The following ATR variants were observed in gnomAD, a reference collection of about 807,000 sequenced individuals.
The protein encoded by ATR is ATR checkpoint kinase.
In ATR, 142 loss-of-function variants were observed where a neutral mutation model predicts 305.3. The ratio of observed to expected loss-of-function variants is 0.47; its 90% confidence interval spans 0.41 to 0.53. The LOEUF (loss-of-function observed/expected upper bound fraction) is 0.53. Ranked by LOEUF, ATR falls within the 20% of genes least tolerant of loss-of-function variation. The pLI is 0.00. For synonymous variants in ATR, 1,050 were observed against 1,068.1 expected (o/e 0.98, Z 0.33); for missense variants, 2,135 against 3,133.1 (o/e 0.68, Z 7.60).
Position 142,478,718 on chromosome 3 carries a change from C to T in ATR, c.6221+6422G>A, listed in dbSNP as rs549127095. ...TAAAGTCTCCCATTATTATTGTGTG[C>T]GAGTCTAAGTCTCTTTGTGGGTCTC... On this transcript the variant is annotated intron_variant, in intron 36 of 46. Coordinates refer to ENST00000350721, the MANE Select transcript of ATR (RefSeq NM_001184.4). Among the ~76,000 whole-genome samples the T allele has an allele frequency of 1.7e-3, 252 of 152,046 alleles. 1 individual carries two copies. The highest frequency in any genetic ancestry group is 3.1e-3 in the Admixed American group (47 of 15,248).
At chr3:142,545,612 G>A (rs1407971036) in intron 16 of ATR, among the ~76,000 whole-genome samples, 1 of 152,112 alleles carries the variant, frequency 6.6e-6, no homozygotes, top group Non-Finnish European at 1.5e-5. Flanking sequence ...GCACTCCAAA[G>A]GCTGTGTAAA....
In ATR at chr3:142,497,124, G is replaced by C. The variant is rs1394891791; in HGVS notation, c.5627C>G (p.Ser1876Cys). Residue 1876 changes from serine (S) to cysteine (C), a missense_variant, in exon 33 of 47, where the codon TCT becomes TGT. Transcript: ENST00000350721. Reference sequence around the variant, plus strand: ...TACCCAGTTTAGAGAATCTTCTTGAGAACTGTCACCTGGAGAATGCTGGAA... The same window carrying C: ...TACCCAGTTTAGAGAATCTTCTTGACAACTGTCACCTGGAGAATGCTGGAA... ...PLFQHSPGDSSQEDSLNWVAR... is the reference protein window; with the variant it reads ...PLFQHSPGDSCQEDSLNWVAR... 1 of 1,614,052 alleles carries C rather than the reference G, an allele frequency of 6.2e-7. No homozygotes were observed. Among genetic ancestry groups the C allele is most frequent in the East Asian group, 2.2e-5 (1 of 44,858 alleles).
intron 16 of ATR, among the ~76,000 whole-genome samples, chr3:142,544,539 A>G (rs1283242933): frequency 6.7e-6 from 1 of 148,460 alleles, no homozygotes; most frequent in Non-Finnish European, 1.5e-5. Context: ...TGTTCATATT[A>G]CTACAAACTG....
chr3:142,562,540 A>G lies in ATR; in HGVS notation c.862T>C (p.Leu288=), dbSNP rs748849865. The change falls in exon 4 of 47, where the codon TTG becomes CTG. Residue 288 remains leucine, a synonymous_variant. Transcript: ENST00000350721. ...GATAATGGCTCTTCATAGAGTTTCAATTGGTCAGTATCCATTTCTACAAGG... is the reference window on the plus strand; with the variant it reads ...GATAATGGCTCTTCATAGAGTTTCAGTTGGTCAGTATCCATTTCTACAAGG... ...KHLVEMDTDQ[L]KLYEEPLSKL... 6.8e-6 allele frequency: 11 copies of G among 1,613,714 alleles called. No homozygotes were observed. Among genetic ancestry groups the G allele is most frequent in the Admixed American group, 1.7e-5 (1 of 59,930 alleles).
chr3:142,560,936 T>TA (rs1425251661), intron 5 of ATR, among the ~76,000 whole-genome samples: 1 of 152,190 alleles, frequency 6.6e-6, no homozygotes, highest in Non-Finnish European at 1.5e-5. Flanking sequence ...AGCCACTTTA[T>TA]AAAAAATAGT....
At chr3:142,478,791 T>A (rs916639771) in intron 36 of ATR, among the ~76,000 whole-genome samples, 1 of 152,194 alleles carries the variant, frequency 6.6e-6, no homozygotes, top group African/African-American at 2.4e-5. Flanking sequence ...GGTGCATATA[T>A]ATTTAGGATA....
At chr3:142,577,546 A>C (rs1410155079) in intron 1 of ATR, among the ~76,000 whole-genome samples, 1 of 152,260 alleles carries the variant, frequency 6.6e-6, no homozygotes, top group African/African-American at 2.4e-5. Flanking sequence ...AGTTACGACA[A>C]GAATGGTCCC....
chr3:142,483,098 C>T lies in ATR; in HGVS notation c.6221+2042G>A, dbSNP rs376036176. 2.0e-5 allele frequency among the ~76,000 whole-genome samples: 3 copies of T among 151,032 alleles called. No individual in the cohort carries two copies. In the East Asian group the frequency reaches 5.9e-4, roughly 30 times the overall value. On this transcript the variant is annotated intron_variant, in intron 36 of 46. Coordinates refer to ENST00000350721, the MANE Select transcript of ATR (RefSeq NM_001184.4). Reference sequence around the variant, plus strand: ...ACAGCTCACCACTGCCTTGACGTCCCAGGTTCAGGTAATCCTCCCACCTCA... The same window carrying T: ...ACAGCTCACCACTGCCTTGACGTCCTAGGTTCAGGTAATCCTCCCACCTCA...
rs1056823815 is a variant in ATR, at chr3:142,474,927, G to GT, written c.6222-4745dup. On this transcript the variant is annotated intron_variant, in intron 36 of 46. Coordinates refer to ENST00000350721, the MANE Select transcript of ATR (RefSeq NM_001184.4). Reference sequence around the variant, plus strand: ...CATATTTTTTTTTTAAAAAAAGTTTGTTTTTTTTTAAAAAGCCTCTTTTAT... The same window carrying GT: ...CATATTTTTTTTTTAAAAAAAGTTTGTTTTTTTTTTAAAAAGCCTCTTTTAT... 4.3e-4 allele frequency among the ~76,000 whole-genome samples: 65 copies of GT among 150,158 alleles called. 1 individual carries two copies. The East Asian group carries it at 5.3e-3, about 12-fold the overall frequency.
rs2070759766 is a variant in ATR at position 142,450,259 on chromosome 3, G to A, written c.7762-657C>T. 5.6e-6 allele frequency: 4 copies of A among 708,214 alleles called. No homozygotes were observed. The South Asian group carries it at 5.9e-5, about 10-fold the overall frequency. 43.9% of individuals were successfully genotyped at this position (708,214 alleles called of 1,614,324 possible). On this transcript the variant is annotated intron_variant, in intron 46 of 46. Coordinates refer to ENST00000350721, the MANE Select transcript of ATR (RefSeq NM_001184.4). ...AGGTATTAAAATAACCCCTACAACA[G>A]CCAACTTTCCCTTTTGCAGTTGCAA...
At chr3:142,559,192 A>G in intron 7 of ATR, 59 bp downstream of exon 7, 1 of 1,555,742 alleles carries the variant, frequency 6.4e-7, no homozygotes, top group Non-Finnish European at 8.8e-7. Context: ...AAAAGAAAGC[A>G]TATTTCTATA....
intron 24 of ATR, 55 bp from the exon 25 acceptor site, chr3:142,515,570 T>C: frequency 6.5e-7 from 1 of 1,527,350 alleles, no homozygotes; most frequent in African/African-American, 1.4e-5. Context: ...TTTAGAATTT[T>C]AGTAAATTAC....
At chr3:142,546,697 A>G (rs2034280242) in intron 16 of ATR, among the ~76,000 whole-genome samples, 1 of 152,216 alleles carries the variant, frequency 6.6e-6, no homozygotes, top group African/African-American at 2.4e-5. Flanking sequence ...GTGAAGCAAA[A>G]AAGAAAATCA....
intron 16 of ATR, among the ~76,000 whole-genome samples, chr3:142,545,516 T>C (rs754369182): frequency 5.3e-5 from 8 of 152,186 alleles, no homozygotes; most frequent in Non-Finnish European, 1.0e-4. Context: ...AGATCATGTA[T>C]GCCTTACAGA....
intron 36 of ATR, among the ~76,000 whole-genome samples, chr3:142,470,738 A>G (rs574247038): frequency 1.3e-5 from 2 of 152,188 alleles, no homozygotes; most frequent in South Asian, 2.1e-4. Flanking sequence ...TTATCTCCAT[A>G]ATTTTCCAAT....
At chr3:142,564,360 A>G (rs1037595077) in intron 3 of ATR, among the ~76,000 whole-genome samples, 2 of 152,206 alleles carry the variant, frequency 1.3e-5, no homozygotes, top group Admixed American at 1.3e-4. Context: ...CTAGTTGTAT[A>G]AACTTTTCAT....
At chr3:142,532,677 C>T (rs2033705659) in intron 21 of ATR, among the ~76,000 whole-genome samples, 1 of 152,196 alleles carries the variant, frequency 6.6e-6, no homozygotes, top group South Asian at 2.1e-4. Context: ...ATCACCACCT[C>T]TTGGAATTTG....
chr3:142,522,833 T>G lies in ATR; in HGVS notation c.4161A>C (p.Val1387=), dbSNP rs764080150. The G allele has an allele frequency of 6.2e-7, 1 of 1,607,450 alleles. No individual in the cohort carries two copies. Among genetic ancestry groups the G allele is most frequent in the South Asian group, 1.1e-5 (1 of 90,910 alleles). ...ATCCATAGGCAAAGCTTGAATCTTC[T>G]ACTCCAGTCTCAATCAGAAAAAAAA... ...QGKDFTFVTG[V]EDSSFAYGLL... The change falls in exon 23 of 47, where the codon GTA becomes GTC. Residue 1387 remains valine (V), a synonymous_variant. Coordinates refer to ENST00000350721, the MANE Select transcript of ATR (RefSeq NM_001184.4).
chr3:142,541,633 G>A (rs35135756), intron 17 of ATR, among the ~76,000 whole-genome samples: 2,235 of 152,256 alleles, frequency 0.015, 29 homozygotes, highest in African/African-American at 0.017. Flanking sequence ...AACTCTGGTC[G>A]ACTTTATATG....
Sources: allele counts gnomAD v4.1 joint callset (sites outside exome capture counted in the v4.1 genomes callset), GRCh38; gene constraint gnomAD v4.1.1; transcripts MANE v1.5; gene names NCBI Gene and HGNC (gene_info 2026-07-23, HGNC 2026-07-21).